The following ATXN2 variants were observed in gnomAD, a reference collection of about 807,000 sequenced individuals.
ATXN2 encodes ataxin-2.
ATXN2 carries 37 observed loss-of-function variants against 138.6 expected under a neutral mutation model. The observed-to-expected ratio is 0.27, with a 90% CI of 0.21 to 0.35. The LOEUF (loss-of-function observed/expected upper bound fraction) is 0.35. Among genes scored for constraint, ATXN2 ranks in the 10% least tolerant of loss-of-function variants. The probability of loss-of-function intolerance (pLI) is 1.00; values close to 1 mark genes in which losing one functional copy is unlikely to be tolerated. For synonymous variants in ATXN2, 549 were observed against 543.7 expected, an observed-to-expected ratio of 1.01 and a Z score of -0.13; for missense variants, 1,216 against 1,480.3, an observed-to-expected ratio of 0.82 and a Z score of 2.93.
rs151064055 is a variant in ATXN2, at chr12:111,548,050, G to A, written c.571+4230C>T. Among the ~76,000 whole-genome samples the A allele has an allele frequency of 1.4e-4, 22 of 151,802 alleles. No homozygotes were observed. The East Asian group carries it at 3.1e-3, about 21-fold the overall frequency. On this transcript the variant is annotated intron_variant, in intron 5 of 24. Coordinates refer to ENST00000673436, the MANE Select transcript of ATXN2 (RefSeq NM_001372574.1). Reference sequence around the variant, plus strand: ...TCTACTAAAAATACAAAAATTACCCGGGTGTGGTGGTACGTGCCTGTAATC... The same window carrying A: ...TCTACTAAAAATACAAAAATTACCCAGGTGTGGTGGTACGTGCCTGTAATC...
intron 18 of ATXN2, among the ~76,000 whole-genome samples, chr12:111,483,452 C>CTTTTT (rs927752030): frequency 1.6e-4 from 17 of 107,218 alleles, no homozygotes; most frequent in Non-Finnish European, 2.0e-4. Flanking sequence ...TAAAAGAACT[C>CTTTTT]TTTTTTTTTT....
chr12:111,561,136 G>GATTGT (rs1365861713), intron 1 of ATXN2, among the ~76,000 whole-genome samples: 1 of 151,612 alleles, frequency 6.6e-6, no homozygotes, highest in African/African-American at 2.4e-5. Flanking sequence ...AGTGAGCCGA[G>GATTGT]ATTGTGCCAC....
chr12:111,590,337 G>T (rs1884589843), intron 1 of ATXN2, among the ~76,000 whole-genome samples: 1 of 152,042 alleles, frequency 6.6e-6, no homozygotes, highest in African/African-American at 2.4e-5. Flanking sequence ...CCAAAATCAA[G>T]GTTACAAAAA....
chr12:111,508,295 AAGCAGCTGAGG>A (rs1206976898), intron 14 of ATXN2, among the ~76,000 whole-genome samples: 49 of 152,194 alleles, frequency 3.2e-4, no homozygotes, highest in Non-Finnish European at 2.6e-4. Context: ...AAACAGGGGG[AAGCAGCTGAGG>A]AGGGGCAGAT....
At chr12:111,479,774 C>A (rs1221448899) in intron 18 of ATXN2, among the ~76,000 whole-genome samples, 1 of 150,690 alleles carries the variant, frequency 6.6e-6, no homozygotes, top group Non-Finnish European at 1.5e-5. Flanking sequence ...ATGTGTGGCC[C>A]AACACAATTC....
chr12:111,513,381 T>C lies in ATXN2; in HGVS notation c.1534A>G (p.Thr512Ala), dbSNP rs1592850720. ...CCCCCACTGACCACTGATGACCACGTTCCCCCCGAGGGACTGGTCCTTGCT... is the reference window on the plus strand; with the variant it reads ...CCCCCACTGACCACTGATGACCACGCTCCCCCCGAGGGACTGGTCCTTGCT... ...PVARTSPSGG[T>A]WSSVVSGVPR... The change falls in exon 11 of 25, where the codon ACG (threonine) becomes GCG (alanine). Residue 512 changes from threonine to alanine, a missense_variant. Coordinates refer to ENST00000673436, the MANE Select transcript of ATXN2 (RefSeq NM_001372574.1). 1 of 1,613,598 alleles carries C rather than the reference T, an allele frequency of 6.2e-7. No individual in the cohort carries two copies. Among genetic ancestry groups the C allele is most frequent in the Non-Finnish European group, 8.5e-7 (1 of 1,179,918 alleles).
chr12:111,505,640 G>A (rs117285519), intron 14 of ATXN2, among the ~76,000 whole-genome samples: 1 of 152,160 alleles, frequency 6.6e-6, no homozygotes, highest in Non-Finnish European at 1.5e-5. Context: ...GCCACAATGA[G>A]GTTAACACTT....
intron 1 of ATXN2, among the ~76,000 whole-genome samples, chr12:111,571,927 G>A (rs1031532274): frequency 4.7e-5 from 7 of 150,024 alleles, no homozygotes; most frequent in African/African-American, 7.4e-5. Flanking sequence ...CAGGAGAATC[G>A]CCTGAACCCA....
chr12:111,478,756 C>T (rs1877002310), intron 18 of ATXN2, among the ~76,000 whole-genome samples: 1 of 151,260 alleles, frequency 6.6e-6, no homozygotes, highest in Non-Finnish European at 1.5e-5. Context: ...TCTGTAATCC[C>T]AACACTTTGG....
rs1439906345 is a variant in ATXN2 at position 111,598,742 on chromosome 12, CG to C, written c.251+41del. Reference sequence around the variant, plus strand: ...GCGGCGCGGGCCGCGGGGGAGGGGACGCCGGGCCCGGAGCGGAGGGGGCTGG... The same window carrying C: ...GCGGCGCGGGCCGCGGGGGAGGGGACCCGGGCCCGGAGCGGAGGGGGCTGG... On this transcript the variant is annotated intron_variant, in intron 1 of 24. Coordinates refer to ENST00000673436, the MANE Select transcript of ATXN2 (RefSeq NM_001372574.1). The surrounding 1 kb of genome is among the most constrained non-coding windows in gnomAD (Gnocchi z 4.5). The C allele has an allele frequency of 4.4e-6, 5 of 1,148,540 alleles. No homozygotes were observed. In the East Asian group the frequency reaches 2.1e-4, roughly 47 times the overall value. The allele number at this position is 1,148,540 out of a possible 1,614,324, so 71.1% of individuals were successfully genotyped here.
chr12:111,489,576 C>T (rs2135703396), intron 14 of ATXN2, among the ~76,000 whole-genome samples: 1 of 150,820 alleles, frequency 6.6e-6, no homozygotes, highest in South Asian at 2.1e-4. Context: ...CACGCCACTG[C>T]ACTCCAGCCT....
intron 20 of ATXN2, 100 bp downstream of exon 20, chr12:111,470,008 G>A (rs1012414819): frequency 9.1e-6 from 12 of 1,323,204 alleles, no homozygotes; most frequent in Non-Finnish European, 1.2e-5. Context: ...GACCCTCAAT[G>A]TCATAAAAGG....
At chr12:111,535,337 A>AGC (rs1881087756) in intron 5 of ATXN2, among the ~76,000 whole-genome samples, 2 of 151,952 alleles carry the variant, frequency 1.3e-5, no homozygotes, top group Non-Finnish European at 2.9e-5. Flanking sequence ...TAAAAGAAGA[A>AGC]GGCACAGGGG....
At chr12:111,541,343 AT>A in intron 5 of ATXN2, among the ~76,000 whole-genome samples, 1 of 123,506 alleles carries the variant, frequency 8.1e-6, no homozygotes, top group Admixed American at 1.0e-4. Flanking sequence ...GACAGTTATA[AT>A]TCTTTTTTTT....
In ATXN2 at chr12:111,452,700, CAT is replaced by C. The variant is rs769796175; in HGVS notation, c.*110_*111del. Reference sequence around the variant, plus strand: ...CCTATTGGATGTTACAAGAAATCAACATATATATTTTAAAAACAAAATAAATG... The same window carrying C: ...CCTATTGGATGTTACAAGAAATCAACATATATTTTAAAAACAAAATAAATG... On this transcript the variant is annotated 3_prime_UTR_variant, in exon 25 of 25. Transcript: ENST00000673436. 9 of 1,216,516 alleles carry C rather than the reference CAT, an allele frequency of 7.4e-6. No homozygotes were observed. Among genetic ancestry groups the C allele is most frequent in the Non-Finnish European group, 1.1e-5 (9 of 824,602 alleles). 75.4% of individuals were successfully genotyped at this position (1,216,516 alleles called of 1,614,324 possible).
chr12:111,500,989 A>C (rs1878729827), intron 14 of ATXN2, among the ~76,000 whole-genome samples: 1 of 152,258 alleles, frequency 6.6e-6, no homozygotes, highest in African/African-American at 2.4e-5. Flanking sequence ...TGTACTTTTT[A>C]GAATAACTGA....
chr12:111,492,405 C>T (rs1878095255), intron 14 of ATXN2, among the ~76,000 whole-genome samples: 3 of 152,286 alleles, frequency 2.0e-5, no homozygotes, highest in South Asian at 2.1e-4. Flanking sequence ...GAATGGGAGC[C>T]GGATGCAGTG....
intron 18 of ATXN2, among the ~76,000 whole-genome samples, chr12:111,475,552 C>T (rs1876753818): frequency 7.0e-6 from 1 of 142,142 alleles, no homozygotes; most frequent in South Asian, 2.3e-4. Context: ...TACAGGTGCG[C>T]AATCTCAACT....
At chr12:111,468,251 G>C (rs1333956420) in intron 20 of ATXN2, 6 of 152,204 alleles carry the variant, frequency 3.9e-5, no homozygotes, top group Non-Finnish European at 4.4e-5. Context: ...CTAAAGACAA[G>C]TCAAATGACG....
Sources: gnomAD v4.1 joint callset for allele counts (sites outside exome capture counted in the v4.1 genomes callset) on GRCh38, gnomAD v4.1.1 for gene constraint, Gnocchi (gnomAD v3.1) non-coding constraint, MANE v1.5 for transcripts, NCBI Gene and HGNC (gene_info 2026-07-23, HGNC 2026-07-21) for gene names.